Variants in DICER1 observed in about 807,000 individuals in gnomAD.
DICER1 encodes endoribonuclease Dicer.
In DICER1, 43 loss-of-function variants were observed where a neutral mutation model predicts 194.1. The ratio of observed to expected loss-of-function variants is 0.22; its 90% CI spans 0.17 to 0.29. The LOEUF is 0.29. Among genes scored for constraint, DICER1 ranks in the 10% least tolerant of loss-of-function variants. The pLI, the probability that DICER1 is intolerant of heterozygous loss-of-function variation, is 1.00. For synonymous variants in DICER1, 832 were observed against 820.5 expected, an observed-to-expected ratio of 1.01 and a Z score of -0.24; for missense variants, 1,608 against 2,317.0, an observed-to-expected ratio of 0.69 and a Z score of 6.28.
Position 95,103,379 on chromosome 14 carries a change from A to G in DICER1, c.4017T>C (p.His1339=), listed in dbSNP as rs749902759. 6 of 1,614,110 alleles carry G rather than the reference A, an allele frequency of 3.7e-6. No individual in the cohort carries two copies. The highest frequency in any genetic ancestry group is 2.5e-6 in the Non-Finnish European group (3 of 1,180,046). Residue 1339 remains histidine (H), a synonymous_variant, in exon 21 of 27, where the codon CAT becomes CAC. Coordinates refer to ENST00000343455, the MANE Select transcript of DICER1 (RefSeq NM_177438.3). ...TYLFCTYPDA[H]EGRLSYMRSK... is the part of the protein sequence containing the mutation. ...TTCTCATATATGAAAGGCGGCCCTCATGCGCATCAGGGTAAGTGCAAAATA... is the reference window on the plus strand; with the variant it reads ...TTCTCATATATGAAAGGCGGCCCTCGTGCGCATCAGGGTAAGTGCAAAATA...
Position 95,096,056 on chromosome 14 carries a change from C to T in DICER1, c.4864G>A (p.Ala1622Thr), listed in dbSNP as rs1007550524. 1 of 1,614,206 alleles carries T rather than the reference C, an allele frequency of 6.2e-7. No homozygotes were observed. Among genetic ancestry groups the T allele is most frequent in the South Asian group, 1.1e-5 (1 of 91,084 alleles). ...SQQKNLSVSC[A>T]AASVASSRSS... ...CGTGAACTGGCCACAGAAGCAGCAG[C>T]ACAGCTCACTGAAAGGTTCTTTTGT... Residue 1622 changes from alanine (A) to threonine (T), a missense_variant, in exon 23 of 27, where the codon GCT becomes ACT. Ala to Thr is a moderately conservative substitution (Grantham distance 58). Transcript: ENST00000343455.
chr14:95,128,834 G>GT (rs1332887132), intron 6 of DICER1, among the ~76,000 whole-genome samples: 1 of 152,196 alleles, frequency 6.6e-6, no homozygotes, highest in Non-Finnish European at 1.5e-5. Flanking sequence ...ACTACATCTA[G>GT]TAAGAATGGA....
intron 4 of DICER1, 43 bp from the exon 5 acceptor site, chr14:95,130,235 G>A (rs923353967): frequency 6.3e-7 from 1 of 1,583,716 alleles, no homozygotes; most frequent in African/African-American, 1.3e-5. Context: ...AGCATTCACT[G>A]CCTGGATATA....
Position 95,117,658 on chromosome 14 carries a change from G to T in DICER1, c.1473C>A (p.Asn491Lys), listed in dbSNP as rs1595415161. 6.2e-7 allele frequency: 1 copy of T among 1,613,978 alleles called. No homozygotes were observed. Among genetic ancestry groups the T allele is most frequent in the Non-Finnish European group, 8.5e-7 (1 of 1,179,932 alleles). ...GHGIGKNQPR[N>K]KQMEAEFRKQ... ...TTCTGAATTCTGCTTCCATCTGTTT[G>T]TTGCGAGGCTGATTCTTCCCAATGC... The change falls in exon 9 of 27, where the codon AAC (asparagine) becomes AAA (lysine). Residue 491 changes from asparagine (N) to lysine (K), a missense_variant. By Grantham distance (94) the Asn-to-Lys change is moderately conservative. Around this residue, in one of 10 missense-constraint regions of DICER1, gnomAD observed 657 missense variants for 910.1 expected, o/e 0.72. Transcript: ENST00000343455.
chr14:95,126,808 AGTTTTTCAAAAAGC>A, intron 6 of DICER1, 60 bp from the exon 7 acceptor site: 1 of 1,151,620 alleles, frequency 8.7e-7, no homozygotes. Context: ...ATTTAAAAAA[AGTTTTTCAAAAAGC>A]AAAAAAAAAA....
intron 12 of DICER1, 80 bp downstream of exon 12, chr14:95,113,012 T>G (rs1219194966): frequency 6.9e-7 from 1 of 1,442,144 alleles, no homozygotes; most frequent in African/African-American, 1.4e-5. Flanking sequence ...TACCTATAAC[T>G]TGCAAGTCTT....
chr14:95,127,370 T>G lies in DICER1; in HGVS notation c.735-622A>C, dbSNP rs184643524. 5.3e-5 allele frequency among the ~76,000 whole-genome samples: 8 copies of G among 152,370 alleles called. No homozygotes were observed. In the East Asian group the frequency reaches 1.5e-3, roughly 29 times the overall value. On this transcript the variant is annotated intron_variant, in intron 6 of 26. Coordinates refer to ENST00000343455, the MANE Select transcript of DICER1 (RefSeq NM_177438.3). ...TCCTAAAGTGGTACTCATGTTTATCTGCACAGGTTGAGTGCCCTTATCTGA... is the reference window on the plus strand; with the variant it reads ...TCCTAAAGTGGTACTCATGTTTATCGGCACAGGTTGAGTGCCCTTATCTGA...
chr14:95,149,712 T>C (rs1047622560), intron 1 of DICER1, among the ~76,000 whole-genome samples: 6 of 152,218 alleles, frequency 3.9e-5, no homozygotes, highest in Admixed American at 1.3e-4. Flanking sequence ...GTTTGGAATG[T>C]AGGAAAGTAA....
intron 1 of DICER1, among the ~76,000 whole-genome samples, chr14:95,137,271 AAAGGGG>A (rs1415191552): frequency 6.1e-5 from 9 of 147,748 alleles, no homozygotes; most frequent in East Asian, 4.1e-4. Flanking sequence ...AGGAAAATGG[AAAGGGG>A]AAGGGGAAGG....
rs550481779 is a variant in DICER1, at chr14:95,114,540, T to C, written c.1907+1127A>G. Among the ~76,000 whole-genome samples the C allele has an allele frequency of 4.6e-5, 7 of 152,342 alleles. No homozygotes were observed. In the South Asian group the frequency reaches 1.4e-3, roughly 32 times the overall value. ...TTAGAAAATCATTTAGTAGCCATCA[T>C]AGTAATAATCAATTTGGGCCAGAAA... On this transcript the variant is annotated intron_variant, in intron 11 of 26. Coordinates refer to ENST00000343455, the MANE Select transcript of DICER1 (RefSeq NM_177438.3).
chr14:95,155,033 T>C (rs1024332967), intron 1 of DICER1, among the ~76,000 whole-genome samples: 1 of 152,310 alleles, frequency 6.6e-6, no homozygotes, highest in Non-Finnish European at 1.5e-5. Context: ...ACAAAAAGCA[T>C]GCCTCCAAAG....
chr14:95,086,370 T>TA lies in DICER1; in HGVS notation c.*4127dup, dbSNP rs1253107678. The TA allele has an allele frequency of 4.3e-6, 1 of 232,968 alleles. No individual in the cohort carries two copies. The highest frequency in any genetic ancestry group is 8.5e-6 in the Non-Finnish European group (1 of 117,864). 14.4% of individuals were successfully genotyped at this position (232,968 alleles called of 1,614,324 possible). On this transcript the variant is annotated 3_prime_UTR_variant, in exon 27 of 27. Transcript: ENST00000343455. The stretch of plus-strand genomic sequence containing the variant: ...TATGAATGAATGACATCATGTTCCT[T>TA]AAAAAACAGCTGCAGCATGTGATGG...
Position 95,091,127 on chromosome 14 carries a change from G to T in DICER1, c.5528-18C>A, listed in dbSNP as rs370686986. 1.8e-5 allele frequency: 29 copies of T among 1,613,684 alleles called. No homozygotes were observed. The highest frequency in any genetic ancestry group is 2.3e-5 in the Non-Finnish European group (27 of 1,179,730). On this transcript the variant is annotated intron_variant, in intron 25 of 26. Coordinates refer to ENST00000343455, the MANE Select transcript of DICER1 (RefSeq NM_177438.3). ...AAACTTTTCTGCAATCAAAATGAAA[G>T]AATAATATGAATAATATCTCTGAAG...
At chr14:95,101,916 G>A (rs1300408414) in intron 21 of DICER1, among the ~76,000 whole-genome samples, 1 of 152,168 alleles carries the variant, frequency 6.6e-6, no homozygotes, top group African/African-American at 2.4e-5. Flanking sequence ...TGATGGGGAA[G>A]GGGAAGGTCT....
At chr14:95,147,610 C>G (rs958999534) in intron 1 of DICER1, among the ~76,000 whole-genome samples, 1 of 152,164 alleles carries the variant, frequency 6.6e-6, no homozygotes, top group Non-Finnish European at 1.5e-5. Flanking sequence ...GGTTTCTCCC[C>G]AACAACAAGC....
At chr14:95,143,008 T>C (rs1894912942) in intron 1 of DICER1, among the ~76,000 whole-genome samples, 1 of 152,194 alleles carries the variant, frequency 6.6e-6, no homozygotes, top group Non-Finnish European at 1.5e-5. Context: ...ATTATTAACT[T>C]TGCAAATATT....
At chr14:95,114,133 A>G (rs8007729) in intron 11 of DICER1, among the ~76,000 whole-genome samples, 59,706 of 152,070 alleles carry the variant, frequency 0.39, 12,724 homozygotes, top group African/African-American at 0.57. Context: ...GCAGCAACAC[A>G]CCGGTAGCAA....
At chr14:95,147,262 C>T (rs1402132760) in intron 1 of DICER1, among the ~76,000 whole-genome samples, 2 of 152,152 alleles carry the variant, frequency 1.3e-5, no homozygotes, top group African/African-American at 4.8e-5. Flanking sequence ...CCCAGGAATT[C>T]TGAGACCAAC....
At chr14:95,126,786 A>G (rs754530291) in intron 6 of DICER1, 38 bp from the exon 7 acceptor site, 2 of 1,215,326 alleles carry the variant, frequency 1.6e-6, no homozygotes, top group African/African-American at 3.1e-5. Context: ...ATACTGCAGT[A>G]GTGAGAATGC....
Sources: gnomAD v4.1 joint callset for allele counts (sites outside exome capture counted in the v4.1 genomes callset) on GRCh38, gnomAD v4.1.1 for gene constraint, gnomAD v4.1.1 regional missense constraint, MANE v1.5 for transcripts, NCBI Gene and HGNC (gene_info 2026-07-23, HGNC 2026-07-21) for gene names.